The following LRRTM3 variants were observed in gnomAD, a reference collection of about 807,000 sequenced individuals.
LRRTM3 encodes the protein leucine rich repeat transmembrane neuronal 3.
A neutral mutation model predicts 44.7 loss-of-function variants in LRRTM3; 24 were observed. That is an observed-to-expected ratio of 0.54 (90% confidence interval 0.39 to 0.76). LRRTM3 has a LOEUF of 0.76. LRRTM3 is among the 30% of genes least tolerant of loss of function. The pLI is 0.00. For missense variants in LRRTM3, 587 were observed against 702.2 expected (o/e 0.84, Z 1.85); for synonymous variants, 277 against 278.7 (o/e 0.99, Z 0.06).
At chr10:66,995,776 T>G (rs1015573826) in intron 2 of LRRTM3, among the ~76,000 whole-genome samples, 1 of 152,192 alleles carries the variant, frequency 6.6e-6, no homozygotes, top group Non-Finnish European at 1.5e-5. Context: ...TTTAACCTGA[T>G]GAATTTCTAC....
At chr10:66,938,367 T>G (rs1044824153) in intron 2 of LRRTM3, among the ~76,000 whole-genome samples, 8 of 152,178 alleles carry the variant, frequency 5.3e-5, no homozygotes, top group African/African-American at 1.7e-4. Context: ...GAAGCCTTAC[T>G]GATAATATAA....
intron 2 of LRRTM3, among the ~76,000 whole-genome samples, chr10:66,945,988 T>C (rs186582118): frequency 6.6e-6 from 1 of 152,136 alleles, no homozygotes; most frequent in East Asian, 1.9e-4. Context: ...CAGATCACCA[T>C]AATAGATATA....
At chr10:66,969,823 A>T (rs1323968611) in intron 2 of LRRTM3, among the ~76,000 whole-genome samples, 1 of 152,108 alleles carries the variant, frequency 6.6e-6, no homozygotes, top group Non-Finnish European at 1.5e-5. Flanking sequence ...AACATTCATA[A>T]GGCTTCCTGA....
In LRRTM3 at chr10:67,101,298, C is replaced by T. The variant is rs1362708245; in HGVS notation, c.*3502C>T. Among the ~76,000 whole-genome samples the T allele has an allele frequency of 6.6e-6, 1 of 151,698 alleles. No individual in the cohort carries two copies. The highest frequency in any genetic ancestry group is 1.5e-5 in the Non-Finnish European group (1 of 67,778). On this transcript the variant is annotated 3_prime_UTR_variant, in exon 3 of 3. Coordinates refer to ENST00000361320, the MANE Select transcript of LRRTM3 (RefSeq NM_178011.5). ...AAGAGATCCATAGTACAGGGTTGAA[C>T]ACATGTTCAACACTTTGTCAACTGA...
chr10:66,934,793 T>C (rs1233212328), intron 2 of LRRTM3, among the ~76,000 whole-genome samples: 7 of 152,134 alleles, frequency 4.6e-5, no homozygotes, highest in Non-Finnish European at 1.5e-5. Flanking sequence ...GTAAGGCAAA[T>C]ACTACATTTA....
chr10:67,089,717 A>ATGTGTGTGTG (rs71006125), intron 2 of LRRTM3, among the ~76,000 whole-genome samples: 5,076 of 144,700 alleles, frequency 0.035, 109 homozygotes, highest in Middle Eastern at 0.058. Context: ...GTATATACAT[A>ATGTGTGTGTG]TGTGTGTGTG....
At chr10:66,979,277 T>C (rs1346733026) in intron 2 of LRRTM3, among the ~76,000 whole-genome samples, 1 of 152,090 alleles carries the variant, frequency 6.6e-6, no homozygotes, top group Non-Finnish European at 1.5e-5. Flanking sequence ...CATAACTATT[T>C]CTTAAGTAGG....
intron 2 of LRRTM3, among the ~76,000 whole-genome samples, chr10:66,942,788 T>G (rs1848077141): frequency 6.6e-6 from 1 of 152,178 alleles, no homozygotes; most frequent in African/African-American, 2.4e-5. Flanking sequence ...ACTATTACAT[T>G]TCTAGTGTGA....
chr10:66,977,262 C>G (rs1413724325), intron 2 of LRRTM3, among the ~76,000 whole-genome samples: 1 of 151,924 alleles, frequency 6.6e-6, no homozygotes, highest in African/African-American at 2.4e-5. Flanking sequence ...CATGGTGAAA[C>G]CCCGTCTCTA....
Position 67,014,540 on chromosome 10 carries a change from AT to A in LRRTM3, c.1537-83046del, listed in dbSNP as rs1217328853. Among the ~76,000 whole-genome samples, 4 of 152,272 alleles carry A rather than the reference AT, an allele frequency of 2.6e-5. No homozygotes were observed. In the East Asian group the frequency reaches 7.7e-4, roughly 29 times the overall value. ...AAATATTGGAGAAGATACTGTTCCT[AT>A]GATCTCTTTTATTTTGTACTTCAAT... On this transcript the variant is annotated intron_variant, in intron 2 of 2. Transcript: ENST00000361320.
At chr10:66,951,970 A>G (rs1848560896) in intron 2 of LRRTM3, among the ~76,000 whole-genome samples, 1 of 152,202 alleles carries the variant, frequency 6.6e-6, no homozygotes, top group East Asian at 1.9e-4. Context: ...TAAACAGAGC[A>G]CTTTTCAGAG....
chr10:66,926,608 T>G, intron 1 of LRRTM3, 21 bp downstream of exon 1: 4 of 1,613,832 alleles, frequency 2.5e-6, no homozygotes, highest in Non-Finnish European at 3.4e-6. Context: ...TCATTTTTCT[T>G]CTTTCCTTCT....
chr10:67,030,730 A>G (rs1853665534), intron 2 of LRRTM3, among the ~76,000 whole-genome samples: 1 of 152,022 alleles, frequency 6.6e-6, no homozygotes, highest in African/African-American at 2.4e-5. Flanking sequence ...TACCGGTCAG[A>G]TGCGGTGGCT....
chr10:66,941,002 T>A (rs1453072284), intron 2 of LRRTM3, among the ~76,000 whole-genome samples: 1 of 152,140 alleles, frequency 6.6e-6, no homozygotes, highest in Non-Finnish European at 1.5e-5. Flanking sequence ...AATTAAACCT[T>A]CTCCACCTGT....
At chr10:67,023,183 A>G (rs961330672) in intron 2 of LRRTM3, among the ~76,000 whole-genome samples, 1 of 152,178 alleles carries the variant, frequency 6.6e-6, no homozygotes, top group African/African-American at 2.4e-5. Flanking sequence ...CAGAACAGTC[A>G]AATAAAGGAA....
intron 2 of LRRTM3, among the ~76,000 whole-genome samples, chr10:67,031,673 T>C (rs1364090231): frequency 1.3e-5 from 2 of 152,178 alleles, no homozygotes; most frequent in African/African-American, 4.8e-5. Flanking sequence ...ACTGTCAGAA[T>C]TAACAAATTG....
At chr10:67,070,102 A>G (rs562444896) in intron 2 of LRRTM3, among the ~76,000 whole-genome samples, 1 of 152,312 alleles carries the variant, frequency 6.6e-6, no homozygotes, top group African/African-American at 2.4e-5. Context: ...GTCAGTGTGT[A>G]GTATTATCAC....
At chr10:67,054,001 G>A (rs984537855) in intron 2 of LRRTM3, among the ~76,000 whole-genome samples, 7 of 152,074 alleles carry the variant, frequency 4.6e-5, no homozygotes, top group Admixed American at 2.0e-4. Context: ...TCCCCTACAC[G>A]ATATCTCTAA....
chr10:67,034,862 C>A (rs1005119209), intron 2 of LRRTM3, among the ~76,000 whole-genome samples: 1 of 152,194 alleles, frequency 6.6e-6, no homozygotes, highest in Non-Finnish European at 1.5e-5. Context: ...TAAAATATAT[C>A]TATTTGCAGT....
Sources: allele counts gnomAD v4.1 joint callset (sites outside exome capture counted in the v4.1 genomes callset), GRCh38; gene constraint gnomAD v4.1.1; transcripts MANE v1.5; gene names NCBI Gene and HGNC (gene_info 2026-07-23, HGNC 2026-07-21).